Variants in CUL1 observed in about 807,000 individuals in gnomAD.
The protein encoded by CUL1 is cullin 1.
A neutral mutation model predicts 118.0 loss-of-function variants in CUL1; 24 were observed. That is an observed-to-expected ratio of 0.20 (90% CI 0.15 to 0.29). The LOEUF (loss-of-function observed/expected upper bound fraction) is 0.29, where lower values mean the gene tolerates loss of function less well. Among genes scored for constraint, CUL1 ranks in the 10% least tolerant of loss-of-function variants. The pLI, the probability that CUL1 is intolerant of heterozygous loss-of-function variation, is 1.00. For synonymous variants in CUL1, 332 were observed against 340.4 expected (o/e 0.98, Z 0.27); for missense variants, 361 against 933.8 (o/e 0.39, Z 7.99).
chr7:148,776,307 C>CCTTTTTTTTTTTT (rs1800395793), intron 9 of CUL1, among the ~76,000 whole-genome samples: 1 of 40,692 alleles, frequency 2.5e-5, no homozygotes, highest in Admixed American at 4.2e-4. Context: ...CATAACCAGG[C>CCTTTTTTTTTTTT]TTTTTTTTTT....
At chr7:148,704,714 G>T (rs1797829158) in intron 1 of CUL1, among the ~76,000 whole-genome samples, 1 of 152,162 alleles carries the variant, frequency 6.6e-6, no homozygotes, top group Non-Finnish European at 1.5e-5. Context: ...TTATTTTGGT[G>T]TGTGAGTATA....
chr7:148,721,543 A>ATG (rs1798397347), intron 1 of CUL1, among the ~76,000 whole-genome samples: 1 of 151,894 alleles, frequency 6.6e-6, no homozygotes, highest in Non-Finnish European at 1.5e-5. Context: ...TAGTATATAT[A>ATG]TTTTTCAACA....
At chr7:148,721,280 A>G (rs1483337816) in intron 1 of CUL1, among the ~76,000 whole-genome samples, 3 of 152,206 alleles carry the variant, frequency 2.0e-5, no homozygotes. Context: ...GTACTGTGGA[A>G]GCTCCCTGAG....
chr7:148,757,378 C>CT (rs1799689146), intron 4 of CUL1, among the ~76,000 whole-genome samples: 1 of 152,070 alleles, frequency 6.6e-6, no homozygotes, highest in African/African-American at 2.4e-5. Flanking sequence ...TCTGCATTTG[C>CT]TTTTTAAAAA....
At chr7:148,713,464 CTTAA>C (rs1344309880) in intron 1 of CUL1, among the ~76,000 whole-genome samples, 1 of 152,152 alleles carries the variant, frequency 6.6e-6, no homozygotes, top group African/African-American at 2.4e-5. Context: ...TAGATGTTGA[CTTAA>C]TTAAGATTCA....
At chr7:148,766,107 G>A (rs775156387) in intron 7 of CUL1, among the ~76,000 whole-genome samples, 20 of 152,282 alleles carry the variant, frequency 1.3e-4, no homozygotes, top group East Asian at 3.9e-4. Context: ...GTTGTTTACC[G>A]TAAAATCAAA....
intron 2 of CUL1, among the ~76,000 whole-genome samples, chr7:148,740,557 T>C (rs1310344660): frequency 1.3e-5 from 2 of 152,246 alleles, no homozygotes; most frequent in African/African-American, 4.8e-5. Context: ...ACTTTGTCTC[T>C]ATAAATTCAC....
At chr7:148,792,645 A>C (rs1801055949) in intron 16 of CUL1, 81 bp from the exon 17 acceptor site, 2 of 881,296 alleles carry the variant, frequency 2.3e-6, no homozygotes, top group African/African-American at 3.4e-5. Flanking sequence ...TAAGTTCTTC[A>C]AACTTGGGCT....
intron 2 of CUL1, among the ~76,000 whole-genome samples, chr7:148,744,999 C>T (rs964128083): frequency 2.6e-5 from 4 of 151,874 alleles, no homozygotes; most frequent in East Asian, 1.9e-4. Context: ...TTCTGTGTTA[C>T]GTTCTTTTTC....
rs566610030 is a variant in CUL1, at chr7:148,750,321, TTAAG to T, written c.141-3653_141-3650del. ...TTTTTTTTTTTTTTTAAATTATACT[TTAAG>T]TTCTAGGGTACATATGCACAATGTG... On this transcript the variant is annotated intron_variant, in intron 2 of 21. Coordinates refer to ENST00000325222, the MANE Select transcript of CUL1 (RefSeq NM_003592.3). 1.1e-4 allele frequency among the ~76,000 whole-genome samples: 16 copies of T among 151,926 alleles called. No homozygotes were observed. In the South Asian group the frequency reaches 3.1e-3, roughly 30 times the overall value.
chr7:148,792,938 C>T (rs565512898), intron 17 of CUL1, 120 bp downstream of exon 17: 4 of 657,538 alleles, frequency 6.1e-6, no homozygotes, highest in African/African-American at 5.5e-5. Context: ...ATGTTTGCCT[C>T]ATGAATATGA....
Position 148,788,685 on chromosome 7 carries a change from G to T in CUL1, c.1597+11G>T, listed in dbSNP as rs375316605. The T allele has an allele frequency of 6.5e-7, 1 of 1,538,846 alleles. No homozygotes were observed. Among genetic ancestry groups the T allele is most frequent in the Admixed American group, 1.7e-5 (1 of 59,554 alleles). ...CAGAACCCCTAGACTGTGAGTATCC[G>T]TGTGTCTCTATGTTGTGTTTACAGG... is the stretch of plus-strand genomic sequence containing the variant. On this transcript the variant is annotated intron_variant, in intron 14 of 21. Transcript: ENST00000325222.
chr7:148,743,380 C>T (rs1191405212), intron 2 of CUL1, among the ~76,000 whole-genome samples: 4 of 152,182 alleles, frequency 2.6e-5, no homozygotes, highest in African/African-American at 7.2e-5. Context: ...GAACCTTATA[C>T]AATAGACATC....
chr7:148,781,288 G>A (rs1293601144), intron 9 of CUL1, among the ~76,000 whole-genome samples: 1 of 151,792 alleles, frequency 6.6e-6, no homozygotes, highest in African/African-American at 2.4e-5. Flanking sequence ...TCACCATGTT[G>A]GCCAGGCTGG....
intron 20 of CUL1, 96 bp downstream of exon 20, chr7:148,798,773 A>G: frequency 1.1e-6 from 1 of 945,072 alleles, no homozygotes; most frequent in South Asian, 1.3e-5. Flanking sequence ...GTGACAAAGG[A>G]GTGATTGCCA....
chr7:148,790,181 G>T, intron 15 of CUL1, 129 bp from the exon 16 acceptor site: 1 of 991,844 alleles, frequency 1.0e-6, no homozygotes, highest in Non-Finnish European at 1.6e-6. Context: ...GACACCTGGC[G>T]TTTGTATTTT....
At chr7:148,702,291 G>A (rs1196755668) in intron 1 of CUL1, among the ~76,000 whole-genome samples, 1 of 152,200 alleles carries the variant, frequency 6.6e-6, no homozygotes, top group Non-Finnish European at 1.5e-5. Context: ...AGAGATTGAA[G>A]TCATTTATTT....
Position 148,730,000 on chromosome 7 carries a change from G to A in CUL1, c.-123G>A. 2 of 1,085,508 alleles carry A rather than the reference G, an allele frequency of 1.8e-6. No homozygotes were observed. The allele number at this position is 1,085,508 out of a possible 1,614,324, so 67.2% of individuals were successfully genotyped here. Reference sequence around the variant, plus strand: ...GAGATTTCATTCTCTACATTTAAAGGACATCCTTTCTGAGCTGCTGTGAAT... The same window carrying A: ...GAGATTTCATTCTCTACATTTAAAGAACATCCTTTCTGAGCTGCTGTGAAT... On this transcript the variant is annotated 5_prime_UTR_variant, in exon 2 of 22. Coordinates refer to ENST00000325222, the MANE Select transcript of CUL1 (RefSeq NM_003592.3).
intron 9 of CUL1, among the ~76,000 whole-genome samples, chr7:148,768,378 C>CTTTTTTTTTTTTTTTT (rs10595637): frequency 1.1e-5 from 1 of 94,868 alleles, no homozygotes; most frequent in African/African-American, 4.1e-5. Context: ...AAGAAAAGCT[C>CTTTTTTTTTTTTTTTT]TTTTTTTTTT....
Sources: gnomAD v4.1 joint callset for allele counts (sites outside exome capture counted in the v4.1 genomes callset) on GRCh38, gnomAD v4.1.1 for gene constraint, MANE v1.5 for transcripts, NCBI Gene and HGNC (gene_info 2026-07-23, HGNC 2026-07-21) for gene names.